MAPK14: variants seen among roughly 807,000 people sequenced by gnomAD.
MAPK14 encodes mitogen-activated protein kinase 14, also known as CSAID-binding protein.
MAPK14 carries 16 observed loss-of-function variants against 49.6 expected under a neutral mutation model. That is an observed-to-expected ratio of 0.32 (90% CI 0.22 to 0.49). MAPK14 has a LOEUF of 0.49. Among genes scored for constraint, MAPK14 ranks in the 20% least tolerant of loss-of-function variants. MAPK14 has a pLI of 0.99. For synonymous variants in MAPK14, 142 were observed against 158.0 expected, an observed-to-expected ratio of 0.90 and a Z score of 0.76; for missense variants, 200 against 441.2, an observed-to-expected ratio of 0.45 and a Z score of 4.90.
At chr6:36,089,899 G>C (rs1765149729) in intron 8 of MAPK14, among the ~76,000 whole-genome samples, 1 of 152,194 alleles carries the variant, frequency 6.6e-6, no homozygotes. Context: ...AAGTTTTATA[G>C]CCCTGTTATG....
At chr6:36,048,785 G>T (rs1374182518) in intron 1 of MAPK14, among the ~76,000 whole-genome samples, 1 of 152,232 alleles carries the variant, frequency 6.6e-6, no homozygotes, top group Non-Finnish European at 1.5e-5. Context: ...AGGTGCTTAT[G>T]TGTCTTTCTT....
intron 1 of MAPK14, among the ~76,000 whole-genome samples, chr6:36,036,881 C>T (rs893273113): frequency 6.6e-6 from 1 of 152,110 alleles, no homozygotes; most frequent in Non-Finnish European, 1.5e-5. Context: ...GCTGGGATTA[C>T]AGGTGTGCAC....
chr6:36,057,599 A>G (rs1763636449), intron 2 of MAPK14, among the ~76,000 whole-genome samples: 1 of 152,124 alleles, frequency 6.6e-6, no homozygotes, highest in African/African-American at 2.4e-5. Flanking sequence ...CATGCCTGTT[A>G]TCCCAGCTAC....
At chr6:36,080,482 A>G (rs1490781545) in intron 8 of MAPK14, among the ~76,000 whole-genome samples, 2 of 152,130 alleles carry the variant, frequency 1.3e-5, no homozygotes, top group African/African-American at 2.4e-5. Context: ...TTGTTTCTGG[A>G]TTATTTCACT....
At position 36,059,356 on chromosome 6, in the gene MAPK14, A is replaced by AT; in HGVS notation, c.305+15dup. On this transcript the variant is annotated intron_variant, in intron 3 of 11. Transcript: ENST00000229794. ...GAGGAATTCAATGATGTGTGAGTAA[A>AT]TTTTTTGCATTTGCCTTCCTGGTCT... 6.2e-7 allele frequency: 1 copy of AT among 1,605,516 alleles called. No individual in the cohort carries two copies. Among genetic ancestry groups the AT allele is most frequent in the Non-Finnish European group, 8.5e-7 (1 of 1,172,546 alleles).
At chr6:36,058,731 G>C (rs1437371770) in intron 2 of MAPK14, among the ~76,000 whole-genome samples, 2 of 152,020 alleles carry the variant, frequency 1.3e-5, no homozygotes, top group Non-Finnish European at 1.5e-5. Flanking sequence ...AGACACATCT[G>C]TACAAAAAAA....
chr6:36,040,538 A>G (rs1418216930), intron 1 of MAPK14, among the ~76,000 whole-genome samples: 1 of 152,204 alleles, frequency 6.6e-6, no homozygotes, highest in Non-Finnish European at 1.5e-5. Context: ...CTAATGGTCA[A>G]GGTCCTAGCT....
chr6:36,095,593 T>C (rs912554911), intron 8 of MAPK14, among the ~76,000 whole-genome samples: 1 of 152,118 alleles, frequency 6.6e-6, no homozygotes, highest in African/African-American at 2.4e-5. Context: ...TCAGTGCACT[T>C]TGCTGAACTG....
intron 3 of MAPK14, among the ~76,000 whole-genome samples, chr6:36,066,081 A>G (rs1042674284): frequency 6.6e-6 from 1 of 152,074 alleles, no homozygotes; most frequent in African/African-American, 2.4e-5. Flanking sequence ...TTTTTTCAGT[A>G]ACATCTTGGA....
intron 8 of MAPK14, among the ~76,000 whole-genome samples, chr6:36,093,679 A>G (rs1050756353): frequency 1.3e-4 from 18 of 138,582 alleles, no homozygotes; most frequent in African/African-American, 4.7e-4. Context: ...AGATCGCGCC[A>G]CTGCACCCCA....
chr6:36,057,476 T>G (rs1763631931), intron 2 of MAPK14, among the ~76,000 whole-genome samples: 1 of 152,358 alleles, frequency 6.6e-6, no homozygotes, highest in Admixed American at 6.5e-5. Context: ...TTTCAAGGAC[T>G]TGAAACCTAT....
chr6:36,067,660 A>G (rs1482606530), intron 3 of MAPK14, among the ~76,000 whole-genome samples: 1 of 152,192 alleles, frequency 6.6e-6, no homozygotes, highest in Middle Eastern at 3.2e-3. Flanking sequence ...TCAAGTGAGA[A>G]TAATTTGTTG....
At chr6:36,120,228 T>C in the MAPK14 span, among the ~76,000 whole-genome samples, 3 of 152,230 alleles carry the variant, frequency 2.0e-5, no homozygotes, top group Non-Finnish European at 2.9e-5. Flanking sequence ...CTTAGAACAG[T>C]GTGTGGCTCA....
chr6:36,037,200 G>A (rs1562097880), intron 1 of MAPK14, among the ~76,000 whole-genome samples: 1 of 152,136 alleles, frequency 6.6e-6, no homozygotes, highest in Admixed American at 6.5e-5. Flanking sequence ...TATTCACTGT[G>A]TTGTGGTTGT....
At chr6:36,059,410 A>T in intron 3 of MAPK14, 63 bp downstream of exon 3, 1 of 1,155,964 alleles carries the variant, frequency 8.7e-7, no homozygotes, top group Non-Finnish European at 1.3e-6. Context: ...GCCCATTTCT[A>T]TTCCTGAACC....
At chr6:36,103,430 C>G (rs190045083) in intron 10 of MAPK14, among the ~76,000 whole-genome samples, 3 of 151,964 alleles carry the variant, frequency 2.0e-5, no homozygotes, top group Non-Finnish European at 4.4e-5. Context: ...AGCTTGAACT[C>G]CTGGGCTCCA....
At chr6:36,063,260 A>T (rs1001735497) in intron 3 of MAPK14, among the ~76,000 whole-genome samples, 4 of 152,098 alleles carry the variant, frequency 2.6e-5, no homozygotes, top group Non-Finnish European at 4.4e-5. Context: ...TTGTGTATCT[A>T]AACATAACTA....
At chr6:36,120,371 T>C in the MAPK14 span, among the ~76,000 whole-genome samples, 1 of 152,104 alleles carries the variant, frequency 6.6e-6, no homozygotes, top group Non-Finnish European at 1.5e-5. Flanking sequence ...GACAAGGACC[T>C]TCACTCCTCC....
chr6:36,069,776 A>T (rs779876188), intron 3 of MAPK14, among the ~76,000 whole-genome samples: 20 of 152,048 alleles, frequency 1.3e-4, no homozygotes, highest in Non-Finnish European at 2.4e-4. Flanking sequence ...TTCTTAACTC[A>T]CTGGTAACCA....
Sources: allele counts gnomAD v4.1 joint callset (sites outside exome capture counted in the v4.1 genomes callset), GRCh38; gene constraint gnomAD v4.1.1; transcripts MANE v1.5; gene names NCBI Gene and HGNC (gene_info 2026-07-23, HGNC 2026-07-21).